The following BCAS4 variants were observed in gnomAD, a reference collection of about 807,000 sequenced individuals.
BCAS4 encodes the protein breast carcinoma-amplified sequence 4.
In BCAS4, 9 loss-of-function variants were observed where a neutral mutation model predicts 15.7. The ratio of observed to expected loss-of-function variants is 0.57; its 90% confidence interval spans 0.34 to 1.00. The LOEUF (loss-of-function observed/expected upper bound fraction) is 1.00, where lower values mean the gene tolerates loss of function less well. Among genes scored for constraint, BCAS4 ranks in the 50% least tolerant of loss-of-function variants. The pLI is 0.02. For missense variants in BCAS4, 225 were observed against 239.1 expected (o/e 0.94, Z 0.39); for synonymous variants, 101 against 99.5 (o/e 1.02, Z -0.09).
intron 2 of BCAS4, among the ~76,000 whole-genome samples, chr20:50,821,141 G>A (rs777490384): frequency 6.6e-6 from 1 of 152,160 alleles, no homozygotes; most frequent in Admixed American, 6.5e-5. Context: ...CTCCACAGCC[G>A]CCACGTGCTT....
At chr20:50,870,246 T>G (rs1205136870) in intron 4 of BCAS4, among the ~76,000 whole-genome samples, 1 of 152,002 alleles carries the variant, frequency 6.6e-6, no homozygotes, top group East Asian at 1.9e-4. Flanking sequence ...CCAGGCAGGG[T>G]CAGGGATGTG....
intron 1 of BCAS4, among the ~76,000 whole-genome samples, chr20:50,812,120 C>T (rs761681602): frequency 1.6e-4 from 24 of 151,890 alleles, no homozygotes; most frequent in African/African-American, 3.6e-4. Flanking sequence ...GATATTGGGT[C>T]GTGTCTACTT....
At chr20:50,857,214 C>T (rs930731233) in intron 4 of BCAS4, among the ~76,000 whole-genome samples, 2 of 152,188 alleles carry the variant, frequency 1.3e-5, no homozygotes, top group African/African-American at 4.8e-5. Flanking sequence ...TCACCGCAAC[C>T]TGGGCCTCCC....
intron 4 of BCAS4, among the ~76,000 whole-genome samples, chr20:50,844,089 C>T (rs962870570): frequency 6.6e-6 from 1 of 150,756 alleles, no homozygotes; most frequent in Non-Finnish European, 1.5e-5. Flanking sequence ...GTGGAGGTTT[C>T]GGTGAGCCGA....
intron 3 of BCAS4, among the ~76,000 whole-genome samples, chr20:50,835,496 G>A (rs1394454918): frequency 2.0e-5 from 3 of 151,868 alleles, no homozygotes; most frequent in East Asian, 3.9e-4. Context: ...CACCCGCCTC[G>A]GCCTCCTAAA....
intron 4 of BCAS4, among the ~76,000 whole-genome samples, chr20:50,853,054 C>T (rs1040809696): frequency 2.0e-5 from 3 of 152,080 alleles, no homozygotes; most frequent in African/African-American, 7.2e-5. Context: ...TTCCACCTGG[C>T]ACTCCTACTT....
chr20:50,856,447 G>A (rs887640120), intron 4 of BCAS4, among the ~76,000 whole-genome samples: 8 of 152,182 alleles, frequency 5.3e-5, no homozygotes, highest in African/African-American at 9.7e-5. Context: ...AACCTCAGCC[G>A]GAGAGGGAGA....
Position 50,841,793 on chromosome 20 carries a change from G to GT in BCAS4, c.293dup (p.Ala99ArgfsTer11), listed in dbSNP as rs2088484685. 1 of 1,613,850 alleles carries GT rather than the reference G, an allele frequency of 6.2e-7. No homozygotes were observed. Among genetic ancestry groups the GT allele is most frequent in the African/African-American group, 1.3e-5 (1 of 74,930 alleles). On this transcript the variant is annotated frameshift_variant, in exon 4 of 5. Coordinates refer to ENST00000371608, the MANE Select transcript of BCAS4 (RefSeq NM_198799.4). LOFTEE classifies it high-confidence loss of function. ...CTTCGTCAAGATGGTTGGACACCAC[G>GT]TCGCCTTCCTGGAAGCAGACGTGCT... is the stretch of plus-strand genomic sequence containing the variant.
chr20:50,861,674 C>T (rs1979075925), intron 4 of BCAS4, among the ~76,000 whole-genome samples: 1 of 152,048 alleles, frequency 6.6e-6, no homozygotes, highest in Non-Finnish European at 1.5e-5. Context: ...GCGACTACCC[C>T]AGCTCCCTTT....
At chr20:50,849,498 C>T (rs2088584344) in intron 4 of BCAS4, among the ~76,000 whole-genome samples, 1 of 152,178 alleles carries the variant, frequency 6.6e-6, no homozygotes, top group African/African-American at 2.4e-5. Flanking sequence ...CAAAGCAGAG[C>T]CAGGACAGGC....
At chr20:50,815,424 C>T (rs1410427145) in intron 1 of BCAS4, among the ~76,000 whole-genome samples, 1 of 152,198 alleles carries the variant, frequency 6.6e-6, no homozygotes, top group East Asian at 1.9e-4. Context: ...TGCCCCACTC[C>T]TCTCTTTCTC....
intron 2 of BCAS4, among the ~76,000 whole-genome samples, chr20:50,820,958 A>G (rs1442414387): frequency 6.6e-6 from 1 of 152,222 alleles, no homozygotes; most frequent in Non-Finnish European, 1.5e-5. Flanking sequence ...TGAAAAATCT[A>G]GAGTTCCGGC....
intron 4 of BCAS4, among the ~76,000 whole-genome samples, chr20:50,873,403 GAGA>G (rs1979754431): frequency 6.6e-6 from 1 of 152,210 alleles, no homozygotes; most frequent in Admixed American, 6.5e-5. Context: ...TCAGGACCAG[GAGA>G]AGAAGGGCCG....
chr20:50,864,646 T>C (rs1325740350), intron 4 of BCAS4, among the ~76,000 whole-genome samples: 1 of 151,664 alleles, frequency 6.6e-6, no homozygotes, highest in Non-Finnish European at 1.5e-5. Flanking sequence ...TTTCGCCATG[T>C]TGGCCAGGCT....
intron 3 of BCAS4, among the ~76,000 whole-genome samples, chr20:50,838,427 A>T (rs2088436650): frequency 6.6e-6 from 1 of 152,234 alleles, no homozygotes; most frequent in African/African-American, 2.4e-5. Context: ...CCAGAAAGAC[A>T]GACTCGGCGC....
At chr20:50,853,068 G>C (rs533663132) in intron 4 of BCAS4, among the ~76,000 whole-genome samples, 1 of 151,710 alleles carries the variant, frequency 6.6e-6, no homozygotes, top group South Asian at 2.1e-4. Flanking sequence ...CCTACTTTTT[G>C]AGCCAAACAC....
chr20:50,810,285 C>G (rs1216850832), intron 1 of BCAS4, among the ~76,000 whole-genome samples: 2 of 151,858 alleles, frequency 1.3e-5, no homozygotes, highest in Non-Finnish European at 2.9e-5. Context: ...AGCCTTGCTC[C>G]CATCACATCC....
chr20:50,876,044 G>C (rs776362344), intron 4 of BCAS4: 1 of 455,688 alleles, frequency 2.2e-6, no homozygotes, highest in South Asian at 1.6e-5. Flanking sequence ...TCCGCCTCCC[G>C]GGTTCAAGTG....
At chr20:50,817,023 G>A (rs146508882) in intron 1 of BCAS4, among the ~76,000 whole-genome samples, 159 of 151,522 alleles carry the variant, frequency 1.0e-3, no homozygotes, top group African/African-American at 3.5e-3. Flanking sequence ...GAATGGTGTC[G>A]ATCTCCTGAC....
Sources: allele counts gnomAD v4.1 joint callset (sites outside exome capture counted in the v4.1 genomes callset), GRCh38; gene constraint gnomAD v4.1.1; transcripts MANE v1.5; gene names NCBI Gene and HGNC (gene_info 2026-07-23, HGNC 2026-07-21).